The following IMMP2L variants were observed in gnomAD, a reference collection of about 807,000 sequenced individuals.
The protein encoded by IMMP2L is mitochondrial inner membrane protease subunit 2.
Under a neutral mutation model 19.3 loss-of-function variants are expected in IMMP2L, and 18 were observed. That is an observed-to-expected ratio of 0.93 (90% CI 0.64 to 1.38). The LOEUF is 1.38. Among genes scored for constraint, IMMP2L ranks in the 40% most tolerant of loss-of-function variants. The pLI is 0.00. For missense variants in IMMP2L, 233 were observed against 218.2 expected (o/e 1.07, Z -0.43); for synonymous variants, 76 against 73.0 (o/e 1.04, Z -0.21).
chr7:111,171,275 TC>T (rs1385214648), intron 3 of IMMP2L, among the ~76,000 whole-genome samples: 1 of 151,676 alleles, frequency 6.6e-6, no homozygotes, highest in Non-Finnish European at 1.5e-5. Context: ...TTTTAAATTA[TC>T]ATGAATTAAA....
chr7:110,903,012 A>G (rs1812060435), intron 4 of IMMP2L, among the ~76,000 whole-genome samples: 1 of 152,088 alleles, frequency 6.6e-6, no homozygotes. Flanking sequence ...GTTAATAAAA[A>G]AAGTGACAAG....
At chr7:111,209,698 T>C (rs2129618057) in intron 3 of IMMP2L, among the ~76,000 whole-genome samples, 1 of 152,330 alleles carries the variant, frequency 6.6e-6, no homozygotes, top group African/African-American at 2.4e-5. Flanking sequence ...CTAAAGAGAC[T>C]GATCACTCTA....
chr7:111,086,311 G>C (rs1796329183), intron 3 of IMMP2L, among the ~76,000 whole-genome samples: 2 of 151,628 alleles, frequency 1.3e-5, no homozygotes, highest in Middle Eastern at 3.4e-3. Context: ...ATGGTGGCTT[G>C]TGCCTGTGGT....
At chr7:110,957,939 G>T (rs1332747365) in intron 4 of IMMP2L, among the ~76,000 whole-genome samples, 1 of 151,612 alleles carries the variant, frequency 6.6e-6, no homozygotes, top group East Asian at 1.9e-4. Context: ...TTTGTTTATT[G>T]TCTGCTTCTA....
At chr7:111,112,763 C>T (rs1479419693) in intron 3 of IMMP2L, among the ~76,000 whole-genome samples, 2 of 152,124 alleles carry the variant, frequency 1.3e-5, no homozygotes, top group Non-Finnish European at 2.9e-5. Flanking sequence ...ACTAAAAATA[C>T]AGCCCACATC....
intron 3 of IMMP2L, among the ~76,000 whole-genome samples, chr7:111,265,999 G>C (rs140949376): frequency 6.6e-6 from 1 of 152,018 alleles, no homozygotes; most frequent in Non-Finnish European, 1.5e-5. Flanking sequence ...TCACACATGG[G>C]GGCATGCCTC....
chr7:110,827,006 T>C (rs1803559316), intron 5 of IMMP2L, among the ~76,000 whole-genome samples: 1 of 152,100 alleles, frequency 6.6e-6, no homozygotes, highest in Non-Finnish European at 1.5e-5. Flanking sequence ...CTGCTTTGAT[T>C]TGTACAAAGA....
intron 3 of IMMP2L, among the ~76,000 whole-genome samples, chr7:111,338,342 G>A (rs1313586539): frequency 2.9e-5 from 4 of 138,022 alleles, no homozygotes; most frequent in Non-Finnish European, 6.3e-5. Context: ...CCCTTTTTTT[G>A]CTATGAATCT....
At position 111,319,636 on chromosome 7, in the gene IMMP2L, C is replaced by G. The variant is rs140131122; in HGVS notation, c.239+167602G>C. Among the ~76,000 whole-genome samples, 840 of 152,050 alleles carry G rather than the reference C, an allele frequency of 5.5e-3. 15 individuals carry two copies. The highest frequency in any genetic ancestry group is 0.019 in the African/African-American group (770 of 41,496). On this transcript the variant is annotated intron_variant, in intron 3 of 5. Coordinates refer to ENST00000405709, the MANE Select transcript of IMMP2L (RefSeq NM_032549.4). ...TCAAAGATCAGCCCTCAATAACAAC[C>G]CTATAATCTGTTTTAATACAGAAGG...
Position 111,562,478 on chromosome 7 carries a change from AGCCC to A in IMMP2L, c.-634_-631del, listed in dbSNP as rs1394173366. 2 of 151,004 alleles carry A rather than the reference AGCCC, an allele frequency of 1.3e-5. No homozygotes were observed. Among genetic ancestry groups the A allele is most frequent in the Non-Finnish European group, 3.0e-5 (2 of 67,748 alleles). The allele number at this position is 151,004 out of a possible 1,614,324, so 9.4% of individuals were successfully genotyped here. A position where few individuals can be genotyped will look rare whatever the true frequency, so the allele number is the denominator to read the frequency against. ...GCCCTCCGCACCCGCTGCGCAGCTCAGCCCGGGGGAAGTCCCCGCGCAGACCCCG... is the reference window on the plus strand; with the variant it reads ...GCCCTCCGCACCCGCTGCGCAGCTCAGGGGGAAGTCCCCGCGCAGACCCCG... On this transcript the variant is annotated 5_prime_UTR_variant, in exon 1 of 6. Coordinates refer to ENST00000405709, the MANE Select transcript of IMMP2L (RefSeq NM_032549.4).
chr7:110,925,559 T>A (rs1249883177), intron 4 of IMMP2L, among the ~76,000 whole-genome samples: 1 of 152,090 alleles, frequency 6.6e-6, no homozygotes, highest in African/African-American at 2.4e-5. Context: ...TTCTTTATAA[T>A]CTCCTGCTTC....
intron 3 of IMMP2L, among the ~76,000 whole-genome samples, chr7:111,436,582 A>G (rs1837194964): frequency 1.3e-5 from 2 of 151,760 alleles, no homozygotes; most frequent in African/African-American, 4.9e-5. Context: ...TTTTCTCATT[A>G]TGTAAAAAAT....
intron 3 of IMMP2L, among the ~76,000 whole-genome samples, chr7:111,072,901 CAAAAA>C (rs34223033): frequency 4.1e-5 from 3 of 72,910 alleles, no homozygotes. Context: ...AGACTGTCTC[CAAAAA>C]AAAAAAAAAA....
chr7:111,225,244 G>A (rs1281006157), intron 3 of IMMP2L, among the ~76,000 whole-genome samples: 1 of 152,066 alleles, frequency 6.6e-6, no homozygotes, highest in Non-Finnish European at 1.5e-5. Context: ...CAAGCAAAAA[G>A]TAGAAGTTTG....
intron 3 of IMMP2L, among the ~76,000 whole-genome samples, chr7:111,283,262 C>G (rs958908130): frequency 2.6e-5 from 4 of 152,128 alleles, no homozygotes; most frequent in African/African-American, 9.7e-5. Context: ...AAAACAATTA[C>G]AGAACATTGT....
chr7:111,430,702 A>C (rs1336053082), intron 3 of IMMP2L, among the ~76,000 whole-genome samples: 1 of 151,814 alleles, frequency 6.6e-6, no homozygotes, highest in Non-Finnish European at 1.5e-5. Context: ...TAGTACACTC[A>C]AATATTGTCT....
intron 2 of IMMP2L, among the ~76,000 whole-genome samples, chr7:111,492,569 T>A (rs1318093072): frequency 6.6e-6 from 1 of 152,216 alleles, no homozygotes; most frequent in African/African-American, 2.4e-5. Flanking sequence ...TGGAAAATTA[T>A]ATCTTGGTGT....
At chr7:111,410,224 T>C (rs901512380) in intron 3 of IMMP2L, among the ~76,000 whole-genome samples, 1 of 151,632 alleles carries the variant, frequency 6.6e-6, no homozygotes, top group African/African-American at 2.4e-5. Context: ...GAGTATTCTG[T>C]AGAGACTCCA....
At chr7:111,088,543 T>C (rs1473966758) in intron 3 of IMMP2L, among the ~76,000 whole-genome samples, 1 of 152,088 alleles carries the variant, frequency 6.6e-6, no homozygotes, top group Admixed American at 6.6e-5. Context: ...GACCTGTCAA[T>C]CATCCAGTAG....
Sources: allele counts gnomAD v4.1 joint callset (sites outside exome capture counted in the v4.1 genomes callset), GRCh38; gene constraint gnomAD v4.1.1; transcripts MANE v1.5; gene names NCBI Gene and HGNC (gene_info 2026-07-23, HGNC 2026-07-21).